Variants in NT5DC3 observed in about 807,000 individuals in gnomAD.
NT5DC3 encodes 5'-nucleotidase domain-containing protein 3.
Under a neutral mutation model 67.8 loss-of-function variants are expected in NT5DC3, and 42 were observed. The observed-to-expected ratio is 0.62, with a 90% CI of 0.48 to 0.80. The LOEUF (loss-of-function observed/expected upper bound fraction) is 0.80. Ranked by LOEUF, NT5DC3 falls within the 30% of genes least tolerant of loss-of-function variation. The pLI is 0.00. For synonymous variants in NT5DC3, 237 were observed against 255.6 expected (o/e 0.93, Z 0.69); for missense variants, 570 against 696.4 (o/e 0.82, Z 2.04).
At chr12:103,795,592 G>A (rs889979829) in intron 6 of NT5DC3, among the ~76,000 whole-genome samples, 2 of 151,822 alleles carry the variant, frequency 1.3e-5, no homozygotes, top group African/African-American at 2.4e-5. Flanking sequence ...CAGGATTCAC[G>A]CTGCCAAAAC....
chr12:103,747,824 A>G, the NT5DC3 span, among the ~76,000 whole-genome samples: 1 of 152,038 alleles, frequency 6.6e-6, no homozygotes, highest in Non-Finnish European at 1.5e-5. Flanking sequence ...GTGAAACCCC[A>G]TCTCTACTAA....
the NT5DC3 span, chr12:103,763,599 C>T: frequency 6.2e-7 from 1 of 1,613,792 alleles, no homozygotes; most frequent in Non-Finnish European, 8.5e-7. Flanking sequence ...CTTCCTACGA[C>T]CCCTTCACGG....
At chr12:103,778,195 G>T in intron 13 of NT5DC3, 114 bp from the exon 14 acceptor site, 1 of 1,137,026 alleles carries the variant, frequency 8.8e-7, no homozygotes, top group Non-Finnish European at 1.2e-6. Flanking sequence ...GGACTCATTT[G>T]AGAAACATGT....
chr12:103,756,296 G>T, the NT5DC3 span, among the ~76,000 whole-genome samples: 1 of 152,218 alleles, frequency 6.6e-6, no homozygotes, highest in Non-Finnish European at 1.5e-5. Context: ...ACTGATCAAA[G>T]AACTGACCTA....
chr12:103,800,810 C>G lies in NT5DC3; in HGVS notation c.525-2133G>C, dbSNP rs149129494. On this transcript the variant is annotated intron_variant, in intron 4 of 13. Transcript: ENST00000392876. ...TGAGTCTGCCAGGGCTTCCAATTCC[C>G]GCTCCCTTCATCACTAGGGATATTA... Among the ~76,000 whole-genome samples, 8 of 152,318 alleles carry G rather than the reference C, an allele frequency of 5.3e-5. 1 individual carries two copies. In the East Asian group the frequency reaches 1.5e-3, roughly 29 times the overall value.
At chr12:103,787,818 A>G (rs1284548485) in intron 10 of NT5DC3, among the ~76,000 whole-genome samples, 2 of 152,176 alleles carry the variant, frequency 1.3e-5, no homozygotes, top group East Asian at 3.9e-4. Flanking sequence ...GGGAAGTACC[A>G]TGATTCCTTT....
At chr12:103,840,516 G>T (rs1440509110) in intron 1 of NT5DC3, among the ~76,000 whole-genome samples, 2 of 100,282 alleles carry the variant, frequency 2.0e-5, no homozygotes, top group Non-Finnish European at 3.8e-5. Context: ...CACCTCCCCA[G>T]CAGCCCCGCT....
Position 103,797,000 on chromosome 12 carries a change from A to G in NT5DC3, c.647T>C (p.Met216Thr), listed in dbSNP as rs1229006141. ...CATCTCGGGCAGGGAGAAGATGTCCATGAACTGCTTCATCGTGTTTCCATG... is the reference window on the plus strand; with the variant it reads ...CATCTCGGGCAGGGAGAAGATGTCCGTGAACTGCTTCATCGTGTTTCCATG... ...SSHGNTMKQFMDIFSLPEMTL... is the reference protein window; with the variant it reads ...SSHGNTMKQFTDIFSLPEMTL... The change falls in exon 6 of 14, where the codon ATG becomes ACG. Residue 216 changes from methionine to threonine, a missense_variant. By Grantham distance (81) the Met-to-Thr change is moderately conservative (BLOSUM62 -1). Transcript: ENST00000392876. The G allele has an allele frequency of 1.2e-6, 2 of 1,614,200 alleles. No homozygotes were observed. The highest frequency in any genetic ancestry group is 1.7e-6 in the Non-Finnish European group (2 of 1,180,028).
At chr12:103,749,345 A>G in the NT5DC3 span, among the ~76,000 whole-genome samples, 1 of 152,212 alleles carries the variant, frequency 6.6e-6, no homozygotes, top group Non-Finnish European at 1.5e-5. Flanking sequence ...AAGGACGTCC[A>G]TGGAAAACTG....
the NT5DC3 span, chr12:103,753,496 A>G: frequency 1.8e-6 from 2 of 1,112,060 alleles, no homozygotes; most frequent in East Asian, 2.5e-5. Context: ...AACAGTCACC[A>G]TGTCCATTTA....
chr12:103,806,171 C>T (rs1886791389), intron 4 of NT5DC3, 151 bp downstream of exon 4: 1 of 639,062 alleles, frequency 1.6e-6, no homozygotes. Context: ...GGCATGGTAG[C>T]AGGCCTCAAC....
the NT5DC3 span, chr12:103,761,156 TGAG>T: frequency 1.6e-5 from 11 of 677,944 alleles, no homozygotes; most frequent in Admixed American, 4.8e-5. Context: ...GTCCAGAGGG[TGAG>T]GAGAAGTCCT....
chr12:103,823,703 T>C (rs1473770938), intron 1 of NT5DC3, among the ~76,000 whole-genome samples: 1 of 152,134 alleles, frequency 6.6e-6, no homozygotes, highest in East Asian at 1.9e-4. Flanking sequence ...AACATCAAGG[T>C]TTCAAAATTT....
chr12:103,792,534 A>G (rs1886112238), intron 9 of NT5DC3, among the ~76,000 whole-genome samples: 1 of 152,220 alleles, frequency 6.6e-6, no homozygotes, highest in African/African-American at 2.4e-5. Context: ...TGTGGAGAAC[A>G]GCTCTTGGTG....
At chr12:103,788,005 T>C (rs565176147) in intron 10 of NT5DC3, among the ~76,000 whole-genome samples, 5 of 152,362 alleles carry the variant, frequency 3.3e-5, no homozygotes, top group African/African-American at 1.2e-4. Flanking sequence ...AATACACTTA[T>C]TGCCAAATCC....
downstream of NT5DC3, among the ~76,000 whole-genome samples, chr12:103,765,734 G>C (rs958749342): frequency 1.7e-5 from 2 of 121,086 alleles, no homozygotes; most frequent in African/African-American, 5.5e-5. Flanking sequence ...TAGAGATAAG[G>C]TTTCACCGTG....
rs1593376048 is a variant in NT5DC3 at position 103,775,009 on chromosome 12, T to TAAA, written c.*2819_*2820insTTT. On this transcript the variant is annotated 3_prime_UTR_variant, in exon 14 of 14. Coordinates refer to ENST00000392876, the MANE Select transcript of NT5DC3 (RefSeq NM_001031701.3). ...ATGGGCAACAGAGCGAGACCTTGCC[T>TAAA]CAAAAAAAAAAAAAAAAAGTCATGA... The TAAA allele has an allele frequency of 1.0e-5, 1 of 95,572 alleles. No homozygotes were observed. 5.9% of individuals were successfully genotyped at this position (95,572 alleles called of 1,614,324 possible).
At position 103,775,501 on chromosome 12, in the gene NT5DC3, C is replaced by T. The variant is rs1885313172; in HGVS notation, c.*2328G>A. Reference sequence around the variant, plus strand: ...AAGCAACACCTACTTCCTGAATCTGCTTCTCCAAAGCAGAAACTTGAAGCC... The same window carrying T: ...AAGCAACACCTACTTCCTGAATCTGTTTCTCCAAAGCAGAAACTTGAAGCC... On this transcript the variant is annotated 3_prime_UTR_variant, in exon 14 of 14. Coordinates refer to ENST00000392876, the MANE Select transcript of NT5DC3 (RefSeq NM_001031701.3). 1 of 152,092 alleles carries T rather than the reference C, an allele frequency of 6.6e-6. No homozygotes were observed. The highest frequency in any genetic ancestry group is 6.6e-5 in the Admixed American group (1 of 15,264). The allele number at this position is 152,092 out of a possible 1,614,324, so 9.4% of individuals were successfully genotyped here.
intron 12 of NT5DC3, among the ~76,000 whole-genome samples, chr12:103,783,948 A>G (rs963995873): frequency 3.3e-5 from 5 of 152,224 alleles, no homozygotes; most frequent in African/African-American, 9.6e-5. Flanking sequence ...AGGAAGGCAC[A>G]TTAGAGCAGT....
Sources: gnomAD v4.1 joint callset for allele counts (sites outside exome capture counted in the v4.1 genomes callset) on GRCh38, gnomAD v4.1.1 for gene constraint, MANE v1.5 for transcripts, NCBI Gene and HGNC (gene_info 2026-07-23, HGNC 2026-07-21) for gene names.